The following SUZ12 variants were observed in gnomAD, a reference collection of about 807,000 sequenced individuals.
SUZ12 encodes the protein polycomb protein SUZ12.
A neutral mutation model predicts 87.3 loss-of-function variants in SUZ12; 17 were observed. The ratio of observed to expected loss-of-function variants is 0.19; its 90% confidence interval spans 0.13 to 0.29. The LOEUF is 0.29. SUZ12 is among the 10% of genes least tolerant of loss of function. The pLI, the probability that SUZ12 is intolerant of heterozygous loss-of-function variation, is 1.00. For missense variants in SUZ12, 526 were observed against 912.2 expected, an observed-to-expected ratio of 0.58 and a Z score of 5.45; for synonymous variants, 253 against 312.4, an observed-to-expected ratio of 0.81 and a Z score of 2.01.
Position 31,947,601 on chromosome 17 carries a change from T to G in SUZ12, c.387-16T>G. ...CCAGTTGAGAAGTGATTATTTTGTT[T>G]ATCTGTTTCTTCCAGGAAAACATTT... On this transcript the variant is annotated splice_polypyrimidine_tract_variant and intron_variant, in intron 3 of 15. Coordinates refer to ENST00000322652, the MANE Select transcript of SUZ12 (RefSeq NM_015355.4). The G allele has an allele frequency of 6.3e-7, 1 of 1,598,022 alleles. No individual in the cohort carries two copies. Among genetic ancestry groups the G allele is most frequent in the East Asian group, 2.2e-5 (1 of 44,662 alleles).
chr17:31,982,752 C>T (rs1017887277), intron 8 of SUZ12, among the ~76,000 whole-genome samples: 1 of 152,188 alleles, frequency 6.6e-6, no homozygotes, highest in African/African-American at 2.4e-5. Context: ...GCATATTATA[C>T]TTTACATGTT....
chr17:31,995,698 A>G lies in SUZ12; in HGVS notation c.1730A>G (p.Gln577Arg). Residue 577 changes from glutamine (Q) to arginine (R), a missense_variant, in exon 14 of 16, where the codon CAA becomes CGA. Gln to Arg is a conservative substitution (Grantham distance 43). Coordinates refer to ENST00000322652, the MANE Select transcript of SUZ12 (RefSeq NM_015355.4). ...HSDTCLPLRP[Q>R]EMEVDSEDEK... ...GATACCTGCTTACCTCTCCGTCCACAAGAAATGGAAGTAGATAGTGAAGAT... is the reference window on the plus strand; with the variant it reads ...GATACCTGCTTACCTCTCCGTCCACGAGAAATGGAAGTAGATAGTGAAGAT... 6.2e-7 allele frequency: 1 copy of G among 1,614,118 alleles called. No individual in the cohort carries two copies. The highest frequency in any genetic ancestry group is 8.5e-7 in the Non-Finnish European group (1 of 1,179,992).
chr17:32,000,989 T>C lies in SUZ12; in HGVS notation c.*1986T>C, dbSNP rs943305740. On this transcript the variant is annotated 3_prime_UTR_variant, in exon 16 of 16. Coordinates refer to ENST00000322652, the MANE Select transcript of SUZ12 (RefSeq NM_015355.4). ...AACATTTGTTTTTACATTAAATGTT[T>C]ATTTGAAATCAAATGATTTTGTACA... The C allele has an allele frequency of 4.7e-6, 1 of 211,760 alleles. No individual in the cohort carries two copies. The highest frequency in any genetic ancestry group is 9.6e-6 in the Non-Finnish European group (1 of 104,364). The allele number at this position is 211,760 out of a possible 1,614,324, so 13.1% of individuals were successfully genotyped here. A position where few individuals can be genotyped will look rare whatever the true frequency, so the allele number is the denominator to read the frequency against.
chr17:31,990,465 G>A (rs1394582384), intron 10 of SUZ12, among the ~76,000 whole-genome samples: 3 of 151,708 alleles, frequency 2.0e-5, no homozygotes, highest in Non-Finnish European at 4.4e-5. Context: ...CCGGTTTGAA[G>A]CAATTCTCCT....
At chr17:31,956,107 G>A (rs371912684) in intron 4 of SUZ12, among the ~76,000 whole-genome samples, 3 of 151,536 alleles carry the variant, frequency 2.0e-5, no homozygotes, top group East Asian at 3.9e-4. Flanking sequence ...TAGAGATGGG[G>A]TTTCACCGTG....
intron 10 of SUZ12, among the ~76,000 whole-genome samples, chr17:31,990,755 C>CT (rs1191216179): frequency 2.7e-5 from 4 of 149,036 alleles, no homozygotes; most frequent in African/African-American, 2.5e-5. Context: ...TTTTATTTTA[C>CT]TTTTTTTTTT....
At position 31,937,454 on chromosome 17, in the gene SUZ12, C is replaced by G. The variant is rs1186458215; in HGVS notation, c.208C>G (p.Pro70Ala). The change falls in exon 1 of 16, where the codon CCG (proline) becomes GCG (alanine). Residue 70 changes from proline to alanine, a missense_variant. By Grantham distance (27) the Pro-to-Ala change is conservative (BLOSUM62 -1). Around this residue, in one of 9 missense-constraint regions of SUZ12, gnomAD observed 92 missense variants for 109.9 expected, o/e 0.84. Coordinates refer to ENST00000322652, the MANE Select transcript of SUZ12 (RefSeq NM_015355.4). ...AAAAAGAAVL[P>A]VKKPKMEHVQ... ...GGCAGCGGCGGGGGCTGCGGTGTTA[C>G]CGGTGAAGAAGCCGAAAATGGAGCA... 1.9e-6 allele frequency: 3 copies of G among 1,541,658 alleles called. No individual in the cohort carries two copies. The highest frequency in any genetic ancestry group is 2.6e-6 in the Non-Finnish European group (3 of 1,145,260).
At chr17:31,976,404 T>C (rs1216318823) in intron 7 of SUZ12, 117 bp from the exon 8 acceptor site, 5 of 810,714 alleles carry the variant, frequency 6.2e-6, no homozygotes, top group African/African-American at 5.2e-5. Context: ...ATTGCAACTT[T>C]AGTGTAATTC....
chr17:31,973,140 A>C lies in SUZ12; in HGVS notation c.506-6A>C. 1 of 1,529,836 alleles carries C rather than the reference A, an allele frequency of 6.5e-7. No individual in the cohort carries two copies. The highest frequency in any genetic ancestry group is 8.8e-7 in the Non-Finnish European group (1 of 1,138,990). The allele number at this position is 1,529,836 out of a possible 1,614,324, so 94.8% of individuals were successfully genotyped here. On this transcript the variant is annotated splice_polypyrimidine_tract_variant and splice_region_variant and intron_variant, in intron 5 of 15. Coordinates refer to ENST00000322652, the MANE Select transcript of SUZ12 (RefSeq NM_015355.4). ...ATATATTTTAAAATACTGATTTTCT[A>C]TTTAGATAAGCCATCACCAAACTCA...
intron 1 of SUZ12, among the ~76,000 whole-genome samples, chr17:31,937,896 T>G (rs1303105652): frequency 9.4e-5 from 13 of 137,644 alleles, no homozygotes; most frequent in Non-Finnish European, 1.7e-4. Flanking sequence ...TACAGGGGTT[T>G]CGGTTGTAGC....
At chr17:31,955,951 G>T (rs1018846088) in intron 4 of SUZ12, among the ~76,000 whole-genome samples, 15 of 151,394 alleles carry the variant, frequency 9.9e-5, no homozygotes, top group Non-Finnish European at 1.9e-4. Context: ...TCGCTCTGTC[G>T]CCCAGGCTGG....
At chr17:31,962,895 A>T (rs1225180673) in intron 4 of SUZ12, among the ~76,000 whole-genome samples, 1 of 152,238 alleles carries the variant, frequency 6.6e-6, no homozygotes, top group African/African-American at 2.4e-5. Flanking sequence ...TGAAGCAACA[A>T]AGAGTAGGAT....
chr17:31,948,824 T>A (rs1906783232), intron 4 of SUZ12, among the ~76,000 whole-genome samples: 1 of 152,240 alleles, frequency 6.6e-6, no homozygotes, highest in South Asian at 2.1e-4. Context: ...CTGTTATATC[T>A]GTTAATGCCC....
intron 15 of SUZ12, among the ~76,000 whole-genome samples, chr17:31,997,590 C>T (rs866606858): frequency 8.1e-5 from 12 of 147,278 alleles, no homozygotes; most frequent in African/African-American, 2.5e-4. Flanking sequence ...TTGAAGAACC[C>T]GGGAAATGGA....
At chr17:31,940,155 T>C (rs1906186701) in intron 1 of SUZ12, 131 bp from the exon 2 acceptor site, 1 of 1,315,358 alleles carries the variant, frequency 7.6e-7, no homozygotes, top group Non-Finnish European at 1.0e-6. Context: ...TGTAAATATT[T>C]AGTGCGATAT....
intron 4 of SUZ12, among the ~76,000 whole-genome samples, chr17:31,961,057 C>CA (rs1907682783): frequency 1.3e-5 from 2 of 151,690 alleles, no homozygotes; most frequent in Middle Eastern, 3.4e-3. Context: ...CTAAAAAATA[C>CA]AAAAAATAAA....
intron 10 of SUZ12, among the ~76,000 whole-genome samples, chr17:31,988,782 CAG>C (rs1249408693): frequency 6.6e-6 from 1 of 151,574 alleles, no homozygotes; most frequent in African/African-American, 2.4e-5. Context: ...TTAGTAGAGA[CAG>C]GGTTGGCCGA....
At chr17:31,953,358 G>T (rs553614006) in intron 4 of SUZ12, among the ~76,000 whole-genome samples, 3 of 152,088 alleles carry the variant, frequency 2.0e-5, no homozygotes, top group Non-Finnish European at 4.4e-5. Context: ...TGGTCCATCC[G>T]CCTCGACCTC....
chr17:31,986,295 T>C (rs1909417588), intron 9 of SUZ12, among the ~76,000 whole-genome samples: 1 of 152,202 alleles, frequency 6.6e-6, no homozygotes, highest in South Asian at 2.1e-4. Flanking sequence ...TCAGAGCATA[T>C]AGATTTACTT....
Sources: allele counts gnomAD v4.1 joint callset (sites outside exome capture counted in the v4.1 genomes callset), GRCh38; gene constraint gnomAD v4.1.1; regional missense constraint gnomAD v4.1.1; transcripts MANE v1.5; gene names NCBI Gene and HGNC (gene_info 2026-07-23, HGNC 2026-07-21).